The following CTNNBL1 variants were observed in gnomAD, a reference collection of about 807,000 sequenced individuals.
CTNNBL1 encodes the protein catenin beta like 1.
In CTNNBL1, 31 loss-of-function variants were observed where a neutral mutation model predicts 72.7. That is an observed-to-expected ratio of 0.43 (90% CI 0.32 to 0.58). CTNNBL1 has a LOEUF of 0.58. Ranked by LOEUF, CTNNBL1 falls within the 20% of genes least tolerant of loss-of-function variation. The pLI is 0.08. For missense variants in CTNNBL1, 534 were observed against 725.1 expected, an observed-to-expected ratio of 0.74 and a Z score of 3.03; for synonymous variants, 240 against 267.3, an observed-to-expected ratio of 0.90 and a Z score of 1.00.
At chr20:37,823,207 TC>T (rs575984273) in intron 11 of CTNNBL1, among the ~76,000 whole-genome samples, 1 of 152,252 alleles carries the variant, frequency 6.6e-6, no homozygotes, top group Non-Finnish European at 1.5e-5. Flanking sequence ...TGCCTGTTTT[TC>T]CAGTAGTCTC....
chr20:37,839,512 T>C (rs1288814826), intron 11 of CTNNBL1, among the ~76,000 whole-genome samples: 1 of 152,224 alleles, frequency 6.6e-6, no homozygotes, highest in Non-Finnish European at 1.5e-5. Flanking sequence ...TATTTCATAA[T>C]AGAAGCCGCT....
At chr20:37,748,968 G>A (rs561160469) in intron 4 of CTNNBL1, among the ~76,000 whole-genome samples, 1 of 152,192 alleles carries the variant, frequency 6.6e-6, no homozygotes, top group Non-Finnish European at 1.5e-5. Flanking sequence ...ACGAGTTCTG[G>A]TTGTTACTTC....
intron 13 of CTNNBL1, among the ~76,000 whole-genome samples, chr20:37,858,933 A>G (rs2072466175): frequency 6.6e-6 from 1 of 152,064 alleles, no homozygotes; most frequent in South Asian, 2.1e-4. Flanking sequence ...TGCCTGTGCC[A>G]TTGGTTTCAG....
chr20:37,711,973 A>G (rs527635445), intron 1 of CTNNBL1, among the ~76,000 whole-genome samples: 1 of 152,274 alleles, frequency 6.6e-6, no homozygotes, highest in Admixed American at 6.5e-5. Context: ...GTCGAGTGAC[A>G]CAATTTGGTT....
At chr20:37,737,543 GT>G in intron 3 of CTNNBL1, 59 bp downstream of exon 3, 1 of 1,254,032 alleles carries the variant, frequency 8.0e-7, no homozygotes, top group Non-Finnish European at 1.1e-6. Flanking sequence ...GGCTAATTTT[GT>G]TTTGATTTTG....
At chr20:37,805,831 C>G (rs1483783683) in intron 11 of CTNNBL1, among the ~76,000 whole-genome samples, 4 of 152,162 alleles carry the variant, frequency 2.6e-5, no homozygotes, top group Non-Finnish European at 4.4e-5. Context: ...GAACCAATGG[C>G]CTTGTCCCCT....
At chr20:37,814,505 C>CCTTT (rs2072037704) in intron 11 of CTNNBL1, among the ~76,000 whole-genome samples, 2 of 152,170 alleles carry the variant, frequency 1.3e-5, no homozygotes, top group African/African-American at 4.8e-5. Context: ...GGTTACCTTG[C>CCTTT]AAAGTTACGT....
intron 11 of CTNNBL1, among the ~76,000 whole-genome samples, chr20:37,808,078 C>CT (rs1473924085): frequency 6.6e-6 from 1 of 152,162 alleles, no homozygotes; most frequent in East Asian, 1.9e-4. Context: ...CTGTTAAGAG[C>CT]TTTAAGAGGG....
intron 11 of CTNNBL1, among the ~76,000 whole-genome samples, chr20:37,812,516 T>C (rs2072021311): frequency 6.6e-6 from 1 of 152,228 alleles, no homozygotes; most frequent in South Asian, 2.1e-4. Flanking sequence ...TTCAAATTCA[T>C]TACGTCTTCA....
chr20:37,831,047 G>A (rs892901393), intron 11 of CTNNBL1, among the ~76,000 whole-genome samples: 4 of 152,162 alleles, frequency 2.6e-5, no homozygotes, highest in Non-Finnish European at 5.9e-5. Context: ...AAAACTAAGT[G>A]TGCCCATAGA....
At chr20:37,853,414 A>G (rs1394772595) in intron 13 of CTNNBL1, among the ~76,000 whole-genome samples, 2 of 152,138 alleles carry the variant, frequency 1.3e-5, no homozygotes, top group Non-Finnish European at 2.9e-5. Context: ...GAACTTTTAC[A>G]TTGCTTCTCC....
intron 10 of CTNNBL1, among the ~76,000 whole-genome samples, chr20:37,802,315 A>G (rs1365346452): frequency 6.6e-6 from 1 of 152,236 alleles, no homozygotes; most frequent in Non-Finnish European, 1.5e-5. Flanking sequence ...TCTATAAGAA[A>G]GAACATAGAT....
intron 6 of CTNNBL1, among the ~76,000 whole-genome samples, chr20:37,767,614 G>A (rs551790072): frequency 4.9e-4 from 74 of 152,260 alleles, no homozygotes; most frequent in African/African-American, 1.7e-3. Flanking sequence ...TTTGGTTATG[G>A]GTTTCTGGGA....
At chr20:37,704,283 T>C (rs1348242811) in intron 1 of CTNNBL1, among the ~76,000 whole-genome samples, 10 of 152,218 alleles carry the variant, frequency 6.6e-5, no homozygotes, top group Non-Finnish European at 1.5e-5. Flanking sequence ...ATGAACAAGA[T>C]GTGGTGGCAC....
chr20:37,794,962 T>A (rs951784855), intron 10 of CTNNBL1, among the ~76,000 whole-genome samples: 6 of 152,100 alleles, frequency 3.9e-5, no homozygotes, highest in African/African-American at 1.4e-4. Context: ...TTCATATATG[T>A]GTTACTCTAT....
chr20:37,772,435 G>A (rs974751871), intron 7 of CTNNBL1, among the ~76,000 whole-genome samples: 3 of 152,152 alleles, frequency 2.0e-5, no homozygotes, highest in South Asian at 2.1e-4. Context: ...TGCAAGCTCC[G>A]TCTCCTGGGT....
Position 37,779,195 on chromosome 20 carries a change from A to G in CTNNBL1, c.891A>G (p.Lys297=), listed in dbSNP as rs776790857. The G allele has an allele frequency of 1.2e-6, 2 of 1,613,250 alleles. No homozygotes were observed. The highest frequency in any genetic ancestry group is 1.7e-6 in the Non-Finnish European group (2 of 1,179,606). Residue 297 remains lysine, a synonymous_variant, in exon 10 of 16, where the codon AAA becomes AAG. Coordinates refer to ENST00000361383, the MANE Select transcript of CTNNBL1 (RefSeq NM_030877.5). ...CTGTTTTTGCTTGACAGGTGTTTAAAAGACACAATCCCAGCACGGCTGAGG... is the reference window on the plus strand; with the variant it reads ...CTGTTTTTGCTTGACAGGTGTTTAAGAGACACAATCCCAGCACGGCTGAGG... The part of the protein sequence containing the change: ...DVLLQQLSVF[K]RHNPSTAEEQ...
At chr20:37,718,470 C>G (rs1344686933) in intron 1 of CTNNBL1, among the ~76,000 whole-genome samples, 43 of 139,364 alleles carry the variant, frequency 3.1e-4, no homozygotes, top group African/African-American at 1.1e-3. Flanking sequence ...GGCTGACCCC[C>G]CCACCTCCCT....
intron 3 of CTNNBL1, among the ~76,000 whole-genome samples, chr20:37,743,862 A>T (rs976968795): frequency 6.6e-6 from 1 of 152,126 alleles, no homozygotes; most frequent in African/African-American, 2.4e-5. Context: ...ATAAAAATAC[A>T]TCATAAAATA....
Sources: allele counts gnomAD v4.1 joint callset (sites outside exome capture counted in the v4.1 genomes callset), GRCh38; gene constraint gnomAD v4.1.1; transcripts MANE v1.5; gene names NCBI Gene and HGNC (gene_info 2026-07-23, HGNC 2026-07-21).